IL1RAPL1: variants seen among roughly 807,000 people sequenced by gnomAD.
IL1RAPL1 encodes interleukin-1 receptor accessory protein-like 1.
In IL1RAPL1, 3 loss-of-function variants were observed where a neutral mutation model predicts 48.4. The observed-to-expected ratio is 0.06, with a 90% CI of 0.03 to 0.16. The LOEUF (loss-of-function observed/expected upper bound fraction) is 0.16, where lower values mean the gene tolerates loss of function less well. IL1RAPL1 is among the 10% of genes least tolerant of loss of function. The pLI is 1.00. For synonymous variants in IL1RAPL1, 185 were observed against 187.7 expected (o/e 0.99, Z 0.12); for missense variants, 349 against 530.6 (o/e 0.66, Z 3.36).
chrX:29,299,882 G>A (rs139631034), intron 3 of IL1RAPL1, among the ~76,000 whole-genome samples: 127 of 112,155 alleles, frequency 1.1e-3, no homozygotes, highest in African/African-American at 3.6e-3. Flanking sequence ...TGAGTAATGC[G>A]GGTGTGTCCT....
chrX:29,001,355 G>A lies in IL1RAPL1; in HGVS notation c.82+211930G>A, dbSNP rs113461636. Among the ~76,000 whole-genome samples, 205 of 112,081 alleles carry A rather than the reference G, an allele frequency of 1.8e-3. 1 individual carries two copies. Among genetic ancestry groups the A allele is most frequent in the Middle Eastern group, 9.2e-3 (2 of 217 alleles). ...AGATTACTTGGCACATAAATATGAT[G>A]CATAGAAGGTAGGAAATTACTGCAT... On this transcript the variant is annotated intron_variant, in intron 2 of 10. Coordinates refer to ENST00000378993, the MANE Select transcript of IL1RAPL1 (RefSeq NM_014271.4).
chrX:29,802,999 ATG>A lies in IL1RAPL1; in HGVS notation c.779-114464_779-114463del, dbSNP rs1317613532. Among the ~76,000 whole-genome samples the A allele has an allele frequency of 7.4e-3, 410 of 55,614 alleles. 2 individuals are homozygous for A. Among genetic ancestry groups the A allele is most frequent in the Non-Finnish European group, 7.9e-3 (254 of 31,997 alleles). 48.3% of individuals were successfully genotyped at this position (55,614 alleles called of 115,157 possible). A position where few individuals can be genotyped will look rare whatever the true frequency, so the allele number is the denominator to read the frequency against. Reference sequence around the variant, plus strand: ...TACATACATGTGTACATATATATGTATGCATATATACATATGTGTACATATAC... The same window carrying A: ...TACATACATGTGTACATATATATGTACATATATACATATGTGTACATATAC... On this transcript the variant is annotated intron_variant, in intron 6 of 10. Coordinates refer to ENST00000378993, the MANE Select transcript of IL1RAPL1 (RefSeq NM_014271.4).
chrX:29,869,901 T>C (rs1016681366), intron 6 of IL1RAPL1, among the ~76,000 whole-genome samples: 1 of 110,127 alleles, frequency 9.1e-6, no homozygotes. Flanking sequence ...TCACAGTACA[T>C]TAGTATGGCT....
In IL1RAPL1 at chrX:28,927,274, C is replaced by G. The variant is rs193197699; in HGVS notation, c.82+137849C>G. On this transcript the variant is annotated intron_variant, in intron 2 of 10. Transcript: ENST00000378993. ...TGTTCTCATATCATGTCCAGCCTTT[C>G]CACTTGGACTCTGGATTTCATTTAC... Among the ~76,000 whole-genome samples, 3 of 111,741 alleles carry G rather than the reference C, an allele frequency of 2.7e-5. No homozygotes were observed. The Admixed American group carries it at 2.9e-4, about 11-fold the overall frequency.
At chrX:29,514,066 G>C (rs944257215) in intron 5 of IL1RAPL1, among the ~76,000 whole-genome samples, 1 of 110,711 alleles carries the variant, frequency 9.0e-6, no homozygotes, top group Non-Finnish European at 1.9e-5. Context: ...GGGTTACGTT[G>C]GTTCATAATA....
At chrX:29,579,165 A>AAT (rs1922876934) in intron 5 of IL1RAPL1, among the ~76,000 whole-genome samples, 1 of 112,133 alleles carries the variant, frequency 8.9e-6, no homozygotes, top group African/African-American at 3.2e-5. Flanking sequence ...TACTTCTCCC[A>AAT]ATTTCTTTTG....
At chrX:29,112,549 G>T (rs1023743350) in intron 2 of IL1RAPL1, among the ~76,000 whole-genome samples, 21 of 106,734 alleles carry the variant, frequency 2.0e-4, no homozygotes, top group African/African-American at 6.8e-4. Flanking sequence ...CTACTGAACT[G>T]CAGTAACTAC....
chrX:29,532,788 A>G (rs1201016364), intron 5 of IL1RAPL1, among the ~76,000 whole-genome samples: 1 of 111,576 alleles, frequency 9.0e-6, no homozygotes, highest in Non-Finnish European at 1.9e-5. Context: ...TACTTTTTAA[A>G]CTCTTCAAGC....
At chrX:28,879,907 G>A in intron 2 of IL1RAPL1, among the ~76,000 whole-genome samples, 1 of 111,403 alleles carries the variant, frequency 9.0e-6, no homozygotes, top group South Asian at 3.7e-4. Flanking sequence ...GGACCCTAAG[G>A]CTGAAATCTT....
At chrX:28,981,817 C>G (rs2147375309) in intron 2 of IL1RAPL1, among the ~76,000 whole-genome samples, 1 of 111,446 alleles carries the variant, frequency 9.0e-6, no homozygotes, top group East Asian at 2.8e-4. Context: ...ATGCTCTGCA[C>G]AAATCCTGAA....
intron 6 of IL1RAPL1, among the ~76,000 whole-genome samples, chrX:29,770,820 A>G (rs1929048326): frequency 8.9e-6 from 1 of 112,085 alleles, no homozygotes; most frequent in African/African-American, 3.2e-5. Context: ...CTAACATACA[A>G]CTTCCAGATT....
chrX:28,949,397 G>A (rs747106672), intron 2 of IL1RAPL1, among the ~76,000 whole-genome samples: 1 of 111,100 alleles, frequency 9.0e-6, no homozygotes, highest in Admixed American at 9.6e-5. Context: ...CCAAGGACTG[G>A]CTTGTGGATC....
chrX:28,728,384 AAG>A (rs1168777966), intron 1 of IL1RAPL1, among the ~76,000 whole-genome samples: 6 of 112,008 alleles, frequency 5.4e-5, no homozygotes, highest in Non-Finnish European at 5.6e-5. Context: ...TTTATTCAGC[AAG>A]AGAGAAGAAT....
chrX:29,181,868 CTAA>C (rs1268031028), intron 2 of IL1RAPL1, among the ~76,000 whole-genome samples: 1 of 111,977 alleles, frequency 8.9e-6, no homozygotes, highest in Non-Finnish European at 1.9e-5. Flanking sequence ...CTCATAAGCA[CTAA>C]TAATAAATAA....
rs1452666043 is a variant in IL1RAPL1, at chrX:29,686,340, A to G, written c.778+17836A>G. ...AGTATCATTTTCCAAATAAAGAAGT[A>G]TCATGATATAAGCCATTGGGTAGTG... On this transcript the variant is annotated intron_variant, in intron 6 of 10. Coordinates refer to ENST00000378993, the MANE Select transcript of IL1RAPL1 (RefSeq NM_014271.4). Among the ~76,000 whole-genome samples the G allele has an allele frequency of 2.7e-5, 3 of 110,920 alleles. No homozygotes were observed. In the East Asian group the frequency reaches 8.5e-4, roughly 31 times the overall value.
intron 6 of IL1RAPL1, 67 bp downstream of exon 6, chrX:29,668,571 A>T: frequency 1.3e-6 from 1 of 790,169 alleles, no homozygotes; most frequent in South Asian, 2.2e-5. Context: ...ATAAGCCTAG[A>T]TTGTAACCCG....
intron 2 of IL1RAPL1, among the ~76,000 whole-genome samples, chrX:29,100,334 T>G (rs1928308897): frequency 8.9e-6 from 1 of 112,100 alleles, no homozygotes; most frequent in African/African-American, 3.2e-5. Flanking sequence ...CACTTCACAA[T>G]GTGGACAGGC....
At chrX:28,648,148 G>C (rs1429179301) in intron 1 of IL1RAPL1, among the ~76,000 whole-genome samples, 1 of 110,612 alleles carries the variant, frequency 9.0e-6, no homozygotes, top group African/African-American at 3.3e-5. Context: ...GCCTGGAATG[G>C]GTCTTTCTCT....
intron 2 of IL1RAPL1, among the ~76,000 whole-genome samples, chrX:29,004,082 C>T (rs1346086123): frequency 9.0e-6 from 1 of 110,885 alleles, no homozygotes; most frequent in African/African-American, 3.3e-5. Flanking sequence ...GCAGAGGTTG[C>T]AGTAAGCCCA....
Sources: allele counts gnomAD v4.1 joint callset (sites outside exome capture counted in the v4.1 genomes callset), GRCh38; gene constraint gnomAD v4.1.1; transcripts MANE v1.5; gene names NCBI Gene and HGNC (gene_info 2026-07-23, HGNC 2026-07-21).